The following SPIN1 variants were observed in gnomAD, a reference collection of about 807,000 sequenced individuals.
SPIN1 encodes spindlin-1.
Under a neutral mutation model 26.0 loss-of-function variants are expected in SPIN1, and 3 were observed. That is an observed-to-expected ratio of 0.12 (90% CI 0.05 to 0.30). The LOEUF (loss-of-function observed/expected upper bound fraction) is 0.30, where lower values mean the gene tolerates loss of function less well. Ranked by LOEUF, SPIN1 falls within the 10% of genes least tolerant of loss-of-function variation. The pLI is 1.00. For synonymous variants in SPIN1, 101 were observed against 116.5 expected (o/e 0.87, Z 0.86); for missense variants, 126 against 333.4 (o/e 0.38, Z 4.84).
chr9:88,423,777 C>T lies in SPIN1; in HGVS notation c.-158-2605C>T, dbSNP rs1342930851. Among the ~76,000 whole-genome samples the T allele has an allele frequency of 6.2e-4, 84 of 135,304 alleles. 1 individual carries two copies. Among genetic ancestry groups the T allele is most frequent in the African/African-American group, 2.2e-3 (78 of 35,750 alleles). 88.8% of individuals were successfully genotyped at this position (135,304 alleles called of 152,430 possible). On this transcript the variant is annotated intron_variant, in intron 1 of 5. Transcript: ENST00000375859. ...CTCTTGATCTTCTTTATTTATTGTA[C>T]TTTTTTGAGATGGGGTCTCACTCTG...
chr9:88,439,677 A>C (rs1828078989), intron 2 of SPIN1, among the ~76,000 whole-genome samples: 1 of 152,252 alleles, frequency 6.6e-6, no homozygotes, highest in South Asian at 2.1e-4. Flanking sequence ...AGGCACATAC[A>C]CATTAAGGAT....
At chr9:88,402,725 T>G (rs1269014737) in intron 1 of SPIN1, among the ~76,000 whole-genome samples, 3 of 152,216 alleles carry the variant, frequency 2.0e-5, no homozygotes, top group Admixed American at 6.5e-5. Context: ...GATACTTAGG[T>G]TGATTCTATA....
At chr9:88,416,047 C>T (rs572485577) in intron 1 of SPIN1, among the ~76,000 whole-genome samples, 7 of 152,056 alleles carry the variant, frequency 4.6e-5, no homozygotes, top group African/African-American at 1.2e-4. Flanking sequence ...TGAGCCACCA[C>T]GCCTAGCCCA....
intron 1 of SPIN1, among the ~76,000 whole-genome samples, chr9:88,401,040 C>T (rs918553700): frequency 3.3e-5 from 5 of 152,044 alleles, no homozygotes; most frequent in Non-Finnish European, 7.4e-5. Flanking sequence ...AAAGGTTCAC[C>T]TAAATGCATA....
Position 88,463,345 on chromosome 9 carries a change from A to G in SPIN1, c.355+596A>G, listed in dbSNP as rs139367242. On this transcript the variant is annotated intron_variant, in intron 4 of 5. Transcript: ENST00000375859. ...GTAAATAATAATTACTGATTTTATT[A>G]GTAGGGTGGGATACACCCAAACTAA... Among the ~76,000 whole-genome samples the G allele has an allele frequency of 2.7e-3, 413 of 152,360 alleles. 3 individuals carry two copies. Among genetic ancestry groups the G allele is most frequent in the African/African-American group, 9.2e-3 (384 of 41,586 alleles).
intron 3 of SPIN1, among the ~76,000 whole-genome samples, chr9:88,453,560 G>A (rs1171226311): frequency 6.6e-6 from 1 of 151,704 alleles, no homozygotes; most frequent in Non-Finnish European, 1.5e-5. Context: ...TACCGAGATG[G>A]AGTTTTGCTC....
Position 88,397,788 on chromosome 9 carries a change from A to AT in SPIN1, c.-159+9257dup, listed in dbSNP as rs1827098244. Among the ~76,000 whole-genome samples the AT allele has an allele frequency of 2.9e-5, 4 of 136,608 alleles. No individual in the cohort carries two copies. The South Asian group carries it at 9.5e-4, about 33-fold the overall frequency. The allele number at this position is 136,608 out of a possible 152,430, so 89.6% of individuals were successfully genotyped here. A position where few individuals can be genotyped will look rare whatever the true frequency, so the allele number is the denominator to read the frequency against. ...AGGTGCGTGCCACCATGCCTGGCTA[A>AT]TTTTTTTGTATTTTTAGTAGAGACA... is the stretch of plus-strand genomic sequence containing the variant. On this transcript the variant is annotated intron_variant, in intron 1 of 5. Transcript: ENST00000375859.
intron 3 of SPIN1, among the ~76,000 whole-genome samples, chr9:88,453,155 T>G (rs910024737): frequency 6.6e-6 from 1 of 152,188 alleles, no homozygotes; most frequent in African/African-American, 2.4e-5. Flanking sequence ...TTAAATTTTT[T>G]ATTTTCCCAA....
At chr9:88,439,716 T>G (rs1029845502) in intron 2 of SPIN1, among the ~76,000 whole-genome samples, 2 of 152,198 alleles carry the variant, frequency 1.3e-5, no homozygotes, top group Non-Finnish European at 2.9e-5. Flanking sequence ...AGTTGACACC[T>G]TTATTTTATG....
chr9:88,467,258 A>G (rs752191217), intron 4 of SPIN1, among the ~76,000 whole-genome samples: 1 of 152,158 alleles, frequency 6.6e-6, no homozygotes, highest in African/African-American at 2.4e-5. Flanking sequence ...TGAGCTCCCA[A>G]CCACATGGGG....
At chr9:88,427,620 T>C (rs954067430) in intron 2 of SPIN1, among the ~76,000 whole-genome samples, 3 of 152,086 alleles carry the variant, frequency 2.0e-5, no homozygotes, top group African/African-American at 7.2e-5. Flanking sequence ...TTTCTTTTTT[T>C]TTTGAGACGG....
At chr9:88,410,610 G>A in intron 1 of SPIN1, 2 of 952,430 alleles carry the variant, frequency 2.1e-6, no homozygotes, top group South Asian at 1.3e-5. Context: ...GTTTGGCATA[G>A]TATTGGCCTC....
At chr9:88,393,016 C>G (rs954868766) in intron 1 of SPIN1, among the ~76,000 whole-genome samples, 1 of 152,072 alleles carries the variant, frequency 6.6e-6, no homozygotes, top group Non-Finnish European at 1.5e-5. Context: ...TTGGAGGAAC[C>G]TGCCCATGTA....
Position 88,392,194 on chromosome 9 carries a change from T to A in SPIN1, c.-159+3656T>A, listed in dbSNP as rs112964389. Among the ~76,000 whole-genome samples the A allele has an allele frequency of 3.6e-3, 553 of 152,340 alleles. 2 individuals carry two copies. The highest frequency in any genetic ancestry group is 0.013 in the African/African-American group (520 of 41,572). ...TTAGCTGTAGTTATTAGCATTTTTT[T>A]AATGTTGAGGTAAACAGTTTCCTTA... On this transcript the variant is annotated intron_variant, in intron 1 of 5. Coordinates refer to ENST00000375859, the MANE Select transcript of SPIN1 (RefSeq NM_006717.3).
intron 1 of SPIN1, among the ~76,000 whole-genome samples, chr9:88,404,142 T>C (rs1827246446): frequency 1.3e-5 from 2 of 152,186 alleles, no homozygotes; most frequent in Admixed American, 6.6e-5. Context: ...GTATAAAAGA[T>C]ACAGAAATGG....
Position 88,464,593 on chromosome 9 carries a change from C to CG in SPIN1, c.355+1844_355+1845insG, listed in dbSNP as rs796622063. 4.7e-4 allele frequency among the ~76,000 whole-genome samples: 72 copies of CG among 152,308 alleles called. 1 individual carries two copies. The highest frequency in any genetic ancestry group is 1.7e-3 in the African/African-American group (72 of 41,574). ...TAAGCTGTAATTCGCGCTTTTCACT[C>CG]TCTCTTTTTCTCAATTACACAGTGG... On this transcript the variant is annotated intron_variant, in intron 4 of 5. Coordinates refer to ENST00000375859, the MANE Select transcript of SPIN1 (RefSeq NM_006717.3).
intron 1 of SPIN1, among the ~76,000 whole-genome samples, chr9:88,396,205 C>T (rs1162573537): frequency 6.6e-6 from 1 of 151,570 alleles, no homozygotes; most frequent in Admixed American, 6.6e-5. Context: ...CGCCATTGCA[C>T]TTCAGCCTGG....
chr9:88,457,283 CT>C, intron 3 of SPIN1, among the ~76,000 whole-genome samples: 1 of 152,234 alleles, frequency 6.6e-6, no homozygotes, highest in East Asian at 1.9e-4. Context: ...AGACCCAGCA[CT>C]TTGGGAGACT....
chr9:88,420,622 GTTTA>G (rs1324265471), intron 1 of SPIN1, among the ~76,000 whole-genome samples: 1 of 152,208 alleles, frequency 6.6e-6, no homozygotes, highest in Non-Finnish European at 1.5e-5. Context: ...ATTTAAAAGA[GTTTA>G]TTTAACATTC....
Sources: allele counts gnomAD v4.1 joint callset (sites outside exome capture counted in the v4.1 genomes callset), GRCh38; gene constraint gnomAD v4.1.1; transcripts MANE v1.5; gene names NCBI Gene and HGNC (gene_info 2026-07-23, HGNC 2026-07-21).